The following LTA4H variants were observed in gnomAD, a reference collection of about 807,000 sequenced individuals.
LTA4H encodes leukotriene A4 hydrolase.
A neutral mutation model predicts 89.8 loss-of-function variants in LTA4H; 59 were observed. The observed-to-expected ratio is 0.66, with a 90% CI of 0.53 to 0.82. LTA4H has a LOEUF of 0.82. Ranked by LOEUF, LTA4H falls within the 40% of genes least tolerant of loss-of-function variation. The probability of loss-of-function intolerance (pLI) is 0.00; values close to 1 mark genes in which losing one functional copy is unlikely to be tolerated. For synonymous variants in LTA4H, 227 were observed against 253.1 expected (o/e 0.90, Z 0.98); for missense variants, 617 against 727.0 (o/e 0.85, Z 1.74).
Position 96,022,749 on chromosome 12 carries a change from A to G in LTA4H, c.481-498T>C, listed in dbSNP as rs1279233643. ...GTGTAAAACTTCAAAGGCTTGCTGC[A>G]AGGAATAAATAATATAAGTGAAGAG... On this transcript the variant is annotated intron_variant, in intron 4 of 18. Coordinates refer to ENST00000228740, the MANE Select transcript of LTA4H (RefSeq NM_000895.3). The surrounding 1 kb of genome is among the most constrained non-coding windows in gnomAD (Gnocchi z 4.0). Among the ~76,000 whole-genome samples the G allele has an allele frequency of 6.6e-6, 1 of 152,164 alleles. No homozygotes were observed. The highest frequency in any genetic ancestry group is 2.4e-5 in the African/African-American group (1 of 41,438).
In LTA4H at chr12:96,013,858, G is replaced by A; in HGVS notation, c.1205-5C>T. 2 of 1,258,326 alleles carry A rather than the reference G, an allele frequency of 1.6e-6. No homozygotes were observed. Among genetic ancestry groups the A allele is most frequent in the Non-Finnish European group, 2.3e-6 (2 of 879,838 alleles). 77.9% of individuals were successfully genotyped at this position (1,258,326 alleles called of 1,614,324 possible). The stretch of plus-strand genomic sequence containing the variant: ...TTAAGAATCCTAGGAAAATCTCTAA[G>A]AGTAAAAAAGAAAAGAAATCAATTC... On this transcript the variant is annotated splice_polypyrimidine_tract_variant and splice_region_variant and intron_variant, in intron 12 of 18. Transcript: ENST00000228740.
At chr12:96,035,663 A>C, upstream of LTA4H, 1 of 1,429,910 alleles carries the variant, frequency 7.0e-7, no homozygotes, top group East Asian at 2.6e-5. Flanking sequence ...AAGTTTCTTA[A>C]AGTCAGACGA....
chr12:96,022,179 G>A lies in LTA4H; in HGVS notation c.553C>T (p.Pro185Ser), dbSNP rs1177102430. 6 of 1,613,600 alleles carry A rather than the reference G, an allele frequency of 3.7e-6. No individual in the cohort carries two copies. The African/African-American group carries it at 5.3e-5, about 14-fold the overall frequency. The change falls in exon 5 of 19, where the codon CCA becomes TCA. Residue 185 changes from proline (P) to serine (S), a missense_variant. Transcript: ENST00000228740. The surrounding 1 kb of genome is among the most constrained non-coding windows in gnomAD (Gnocchi z 4.0). ...RDGETPDPED[P>S]SRKIYKFIQK... Reference sequence around the variant, plus strand: ...ATGAATTTGTATATTTTCCTGCTTGGGTCTTCTGGGTCAGGTGTTTCTCCA... The same window carrying A: ...ATGAATTTGTATATTTTCCTGCTTGAGTCTTCTGGGTCAGGTGTTTCTCCA...
At chr12:96,032,967 G>A (rs2540488) in intron 1 of LTA4H, among the ~76,000 whole-genome samples, 26,403 of 152,184 alleles carry the variant, frequency 0.17, 2,931 homozygotes, top group Non-Finnish European at 0.26. Flanking sequence ...GAGGGTAGGA[G>A]AAGGGAAAGG....
rs1249451157 is a variant in LTA4H at position 96,029,253 on chromosome 12, A to T, written c.160-68T>A. 39 of 848,564 alleles carry T rather than the reference A, an allele frequency of 4.6e-5. No individual in the cohort carries two copies. In the South Asian group the frequency reaches 7.5e-4, roughly 16 times the overall value. The allele number at this position is 848,564 out of a possible 1,614,324, so 52.6% of individuals were successfully genotyped here. A position where few individuals can be genotyped will look rare whatever the true frequency, so the allele number is the denominator to read the frequency against. On this transcript the variant is annotated intron_variant, in intron 1 of 18. Coordinates refer to ENST00000228740, the MANE Select transcript of LTA4H (RefSeq NM_000895.3). Reference sequence around the variant, plus strand: ...ACCAGAAAAAACTCATATTAGATATAGGCTACAACAACTAGTTGCTTATGG... The same window carrying T: ...ACCAGAAAAAACTCATATTAGATATTGGCTACAACAACTAGTTGCTTATGG...
chr12:96,036,046 C>T (rs934774056), upstream of LTA4H, among the ~76,000 whole-genome samples: 7 of 152,184 alleles, frequency 4.6e-5, no homozygotes, highest in Non-Finnish European at 2.9e-5. Context: ...TGGTGAGTAT[C>T]CCCGCCTGTC....
chr12:96,038,605 C>T (rs1356220122), upstream of LTA4H, among the ~76,000 whole-genome samples: 1 of 151,694 alleles, frequency 6.6e-6, no homozygotes, highest in Non-Finnish European at 1.5e-5. Flanking sequence ...TCTCAAACTT[C>T]TGAGCTCAAG....
upstream of LTA4H, among the ~76,000 whole-genome samples, chr12:96,036,786 A>T (rs1950651205): frequency 6.6e-6 from 1 of 152,208 alleles, no homozygotes; most frequent in Non-Finnish European, 1.5e-5. Flanking sequence ...AATACCTGAG[A>T]CTGGGAAGAA....
upstream of LTA4H, among the ~76,000 whole-genome samples, chr12:96,036,067 C>T (rs1199116739): frequency 6.6e-6 from 1 of 152,114 alleles, no homozygotes; most frequent in Non-Finnish European, 1.5e-5. Flanking sequence ...ACGCGGGAGA[C>T]CGGGGTTCGA....
At chr12:96,021,015 C>T in intron 6 of LTA4H, 70 bp downstream of exon 6, 1 of 1,207,536 alleles carries the variant, frequency 8.3e-7, no homozygotes, top group Admixed American at 2.2e-5. Flanking sequence ...GACCAATTAA[C>T]CTTGAGAGAA....
rs1950339892 is a variant in LTA4H, at chr12:96,013,863, AAAAAG to A, written c.1205-15_1205-11del. On this transcript the variant is annotated splice_polypyrimidine_tract_variant and intron_variant, in intron 12 of 18. Coordinates refer to ENST00000228740, the MANE Select transcript of LTA4H (RefSeq NM_000895.3). The stretch of plus-strand genomic sequence containing the variant: ...AATCCTAGGAAAATCTCTAAGAGTA[AAAAAG>A]AAAAGAAATCAATTCATAGAAAGGT... The A allele has an allele frequency of 1.6e-6, 2 of 1,223,110 alleles. No individual in the cohort carries two copies. The highest frequency in any genetic ancestry group is 2.3e-5 in the East Asian group (1 of 42,620). The allele number at this position is 1,223,110 out of a possible 1,614,324, so 75.8% of individuals were successfully genotyped here. A position where few individuals can be genotyped will look rare whatever the true frequency, so the allele number is the denominator to read the frequency against.
chr12:96,017,454 C>A, intron 9 of LTA4H, 103 bp downstream of exon 9: 1 of 970,202 alleles, frequency 1.0e-6, no homozygotes, highest in East Asian at 2.5e-5. Flanking sequence ...CCCAAATTGT[C>A]CATTATAACC....
At chr12:96,028,808 A>G (rs1382535002) in intron 2 of LTA4H, among the ~76,000 whole-genome samples, 1 of 152,194 alleles carries the variant, frequency 6.6e-6, no homozygotes, top group Non-Finnish European at 1.5e-5. Flanking sequence ...AAAAGGATGA[A>G]TCGTTTAGAA....
chr12:96,018,050 T>A (rs7959337), intron 8 of LTA4H, among the ~76,000 whole-genome samples: 19,534 of 152,092 alleles, frequency 0.13, 1,553 homozygotes, highest in East Asian at 0.3. Context: ...ATAGCAGCGT[T>A]CTATGGCCCT....
Position 96,001,035 on chromosome 12 carries a change from T to C in LTA4H, c.1790A>G (p.His597Arg). 2 of 1,614,154 alleles carry C rather than the reference T, an allele frequency of 1.2e-6. No individual in the cohort carries two copies. Among genetic ancestry groups the C allele is most frequent in the Non-Finnish European group, 1.7e-6 (2 of 1,179,992 alleles). ...CCCCACCAGCATTGCAGTCACGGGA[T>C]GCATGCTTGCTTTGTGCTCTTGGTA... is the stretch of plus-strand genomic sequence containing the variant. ...RTYQEHKASM[H>R]PVTAMLVGKD... Residue 597 changes from histidine to arginine, a missense_variant, in exon 19 of 19, where the codon CAT becomes CGT. Around this residue, in one of 3 missense-constraint regions of LTA4H, gnomAD observed 290 missense variants for 339.1 expected, o/e 0.86. Transcript: ENST00000228740.
chr12:96,042,873 G>A (rs564426900), intron 1 of LTA4H, among the ~76,000 whole-genome samples: 18 of 152,308 alleles, frequency 1.2e-4, no homozygotes, highest in African/African-American at 4.3e-4. Context: ...TGGGATTACA[G>A]ACGTGAGCCA....
At chr12:96,030,395 T>TC (rs934811163) in intron 1 of LTA4H, among the ~76,000 whole-genome samples, 25 of 152,118 alleles carry the variant, frequency 1.6e-4, no homozygotes, top group Non-Finnish European at 2.4e-4. Flanking sequence ...TTGTATTCCC[T>TC]CCCCAGGACC....
intron 2 of LTA4H, 78 bp downstream of exon 2, chr12:96,028,977 A>AC: frequency 7.9e-7 from 1 of 1,271,028 alleles, no homozygotes; most frequent in Non-Finnish European, 1.0e-6. Context: ...AAATTTAAAA[A>AC]GAAAAAATAT....
At chr12:96,039,562 A>C (rs74389644), upstream of LTA4H, among the ~76,000 whole-genome samples, 7 of 152,298 alleles carry the variant, frequency 4.6e-5, no homozygotes, top group Admixed American at 1.3e-4. Flanking sequence ...GCTTTTGTCT[A>C]TTTTAACCAC....
Sources: gnomAD v4.1 joint callset for allele counts (sites outside exome capture counted in the v4.1 genomes callset) on GRCh38, gnomAD v4.1.1 for gene constraint, gnomAD v4.1.1 regional missense constraint, Gnocchi (gnomAD v3.1) non-coding constraint, MANE v1.5 for transcripts, NCBI Gene and HGNC (gene_info 2026-07-23, HGNC 2026-07-21) for gene names.